DMAC2L: variants seen among roughly 807,000 people sequenced by gnomAD.
DMAC2L encodes distal membrane arm assembly component 2 like.
A neutral mutation model predicts 22.5 loss-of-function variants in DMAC2L; 21 were observed. That is an observed-to-expected ratio of 0.93 (90% CI 0.66 to 1.34). The LOEUF is 1.34. DMAC2L is among the 40% of genes most tolerant of loss of function. The pLI is 0.00. For missense variants in DMAC2L, 239 were observed against 246.5 expected, an observed-to-expected ratio of 0.97 and a Z score of 0.20; for synonymous variants, 86 against 89.5, an observed-to-expected ratio of 0.96 and a Z score of 0.22.
Position 50,326,672 on chromosome 14 carries a change from T to C in DMAC2L, c.*949T>C. 1 of 985,392 alleles carries C rather than the reference T, an allele frequency of 1.0e-6. No individual in the cohort carries two copies. Among genetic ancestry groups the C allele is most frequent in the Non-Finnish European group, 1.2e-6 (1 of 829,878 alleles). The allele number at this position is 985,392 out of a possible 1,614,324, so 61.0% of individuals were successfully genotyped here. ...ACATAGATACTTGGCTGAATACAAA[T>C]AGTTTTGCAGATTGCAATATAATAA... On this transcript the variant is annotated 3_prime_UTR_variant, in exon 6 of 6. Coordinates refer to ENST00000557421, the MANE Select transcript of DMAC2L (RefSeq NM_001382507.1).
chr14:50,311,741 T>C (rs1013499386), upstream of DMAC2L, among the ~76,000 whole-genome samples: 3 of 152,166 alleles, frequency 2.0e-5, no homozygotes, highest in African/African-American at 4.8e-5. Context: ...GTTAAGTAAC[T>C]AGCCCAGAGT....
chr14:50,326,293 G>T lies in DMAC2L; in HGVS notation c.*570G>T. ...TAATTCTAATATATTCATTTAATATGTAAATCTATAGATATCTCTTGATGT... is the reference window on the plus strand; with the variant it reads ...TAATTCTAATATATTCATTTAATATTTAAATCTATAGATATCTCTTGATGT... On this transcript the variant is annotated 3_prime_UTR_variant, in exon 6 of 6. Coordinates refer to ENST00000557421, the MANE Select transcript of DMAC2L (RefSeq NM_001382507.1). 1.3e-5 allele frequency: 6 copies of T among 463,086 alleles called. No individual in the cohort carries two copies. Among genetic ancestry groups the T allele is most frequent in the Non-Finnish European group, 1.7e-5 (6 of 353,294 alleles). 28.7% of individuals were successfully genotyped at this position (463,086 alleles called of 1,614,324 possible).
intron 2 of DMAC2L, among the ~76,000 whole-genome samples, chr14:50,317,361 A>G (rs925242197): frequency 5.3e-5 from 8 of 152,206 alleles, no homozygotes; most frequent in African/African-American, 1.9e-4. Context: ...GCATACAATC[A>G]TATCATTAGC....
chr14:50,325,801 C>G lies in DMAC2L; in HGVS notation c.*78C>G. On this transcript the variant is annotated 3_prime_UTR_variant, in exon 6 of 6. Transcript: ENST00000557421. The stretch of plus-strand genomic sequence containing the variant: ...ACATCAACTAATATTATATAGTCAT[C>G]AGTAGAATTATAAGGATGCCATATC... 6.6e-7 allele frequency: 1 copy of G among 1,509,200 alleles called. No individual in the cohort carries two copies. Among genetic ancestry groups the G allele is most frequent in the African/African-American group, 1.4e-5 (1 of 71,590 alleles). 93.5% of individuals were successfully genotyped at this position (1,509,200 alleles called of 1,614,324 possible).
Position 50,321,531 on chromosome 14 carries a change from A to G in DMAC2L, c.44A>G (p.Lys15Arg). Residue 15 changes from lysine (K) to arginine (R), a missense_variant, in exon 3 of 6, where the codon AAG becomes AGG. By Grantham distance (26) the Lys-to-Arg change is conservative (BLOSUM62 2). Transcript: ENST00000557421. ...ATTTCCCAGCAGTTGTGTGGCGTAA[A>G]GAAACTCCCATGGTCATGTGACTCC... ...GKISQQLCGV[K>R]KLPWSCDSRY... 1 of 1,614,182 alleles carries G rather than the reference A, an allele frequency of 6.2e-7. No individual in the cohort carries two copies.
chr14:50,325,244 T>A (rs1054244843), intron 5 of DMAC2L, among the ~76,000 whole-genome samples: 5 of 152,264 alleles, frequency 3.3e-5, no homozygotes, highest in African/African-American at 1.2e-4. Context: ...TGTTCATCTC[T>A]TACATTACTT....
At chr14:50,319,295 TGAAAG>T (rs1192814568) in intron 2 of DMAC2L, 5 of 1,536,056 alleles carry the variant, frequency 3.3e-6, no homozygotes, top group Non-Finnish European at 4.4e-6. Flanking sequence ...GAAAAAGGGA[TGAAAG>T]GGTAGTTGGT....
rs762290493 is a variant in DMAC2L at position 50,315,598 on chromosome 14, G to T, written c.-6+972G>T. 2.0e-5 allele frequency among the ~76,000 whole-genome samples: 3 copies of T among 147,172 alleles called. No individual in the cohort carries two copies. The South Asian group carries it at 6.5e-4, about 32-fold the overall frequency. On this transcript the variant is annotated intron_variant, in intron 2 of 5. Coordinates refer to ENST00000557421, the MANE Select transcript of DMAC2L (RefSeq NM_001382507.1). ...AATCACTTGAACCTGGGAGGCGGAG[G>T]TTGCAGTGAGCTGAGACTGCGCCAC... is the stretch of plus-strand genomic sequence containing the variant.
intron 2 of DMAC2L, among the ~76,000 whole-genome samples, chr14:50,316,498 G>A (rs1334932806): frequency 6.6e-6 from 1 of 152,186 alleles, no homozygotes. Flanking sequence ...TTTTTCTGAT[G>A]TTATCTTCTA....
At chr14:50,312,196 G>C, upstream of DMAC2L, 3 of 1,602,986 alleles carry the variant, frequency 1.9e-6, no homozygotes, top group South Asian at 2.2e-5. Flanking sequence ...GAAGCCACTT[G>C]ACCCTCCACG....
chr14:50,312,702 T>G (rs1379876863), intron 1 of DMAC2L: 1 of 309,076 alleles, frequency 3.2e-6, no homozygotes, highest in Non-Finnish European at 6.0e-6. Flanking sequence ...ACGGAGGGCC[T>G]GGGCACCCAC....
intron 3 of DMAC2L, among the ~76,000 whole-genome samples, 189 bp downstream of exon 3, chr14:50,321,783 G>C (rs2032299070): frequency 6.6e-6 from 1 of 152,052 alleles, no homozygotes; most frequent in Admixed American, 6.6e-5. Flanking sequence ...TATTAATTGT[G>C]GCTGTTTGGG....
chr14:50,313,008 G>T lies in DMAC2L; in HGVS notation c.-42+619G>T, dbSNP rs371438000. The stretch of plus-strand genomic sequence containing the variant: ...GTCCTTTTCTTGAGTACTGAACCGA[G>T]ATACAGTTTTAAATGTGCTGTGCGG... On this transcript the variant is annotated intron_variant, in intron 1 of 5. Coordinates refer to ENST00000557421, the MANE Select transcript of DMAC2L (RefSeq NM_001382507.1). The T allele has an allele frequency of 5.0e-6, 8 of 1,614,032 alleles. No individual in the cohort carries two copies. In the African/African-American group the frequency reaches 1.1e-4, roughly 22 times the overall value.
chr14:50,315,140 A>G (rs1279750315), intron 2 of DMAC2L, among the ~76,000 whole-genome samples: 2 of 150,958 alleles, frequency 1.3e-5, no homozygotes, highest in East Asian at 2.0e-4. Context: ...CTAATTTTTT[A>G]TATTTTTAGT....
Position 50,314,633 on chromosome 14 carries a change from G to A in DMAC2L, c.-6+7G>A. On this transcript the variant is annotated splice_region_variant and intron_variant, in intron 2 of 5. Transcript: ENST00000557421. ...ACAATTGCTGGGTCATATGGTAAGTGCATGTTTATTTTTTATTTTTATTTT... is the reference window on the plus strand; with the variant it reads ...ACAATTGCTGGGTCATATGGTAAGTACATGTTTATTTTTTATTTTTATTTT... 1 of 454,488 alleles carries A rather than the reference G, an allele frequency of 2.2e-6. No homozygotes were observed. The highest frequency in any genetic ancestry group is 1.6e-5 in the South Asian group (1 of 64,458). The allele number at this position is 454,488 out of a possible 1,614,324, so 28.2% of individuals were successfully genotyped here.
At chr14:50,318,726 A>G (rs978554830) in intron 2 of DMAC2L, among the ~76,000 whole-genome samples, 4 of 152,104 alleles carry the variant, frequency 2.6e-5, no homozygotes, top group African/African-American at 9.7e-5. Flanking sequence ...ACTAACTGAA[A>G]ACTCTTAATC....
intron 2 of DMAC2L, among the ~76,000 whole-genome samples, 176 bp downstream of exon 2, chr14:50,314,802 C>T (rs562802252): frequency 1.7e-4 from 26 of 151,872 alleles, no homozygotes; most frequent in Non-Finnish European, 2.6e-4. Flanking sequence ...CCACCACGCC[C>T]GGCAAACTCT....
In DMAC2L at chr14:50,327,353, G is replaced by C. The variant is rs1056818197; in HGVS notation, c.*1630G>C. Reference sequence around the variant, plus strand: ...CTGTCTCAAAAAAAAAAAAAAAAGTGAAAAATAGATAAAACAGGTCTTCAT... The same window carrying C: ...CTGTCTCAAAAAAAAAAAAAAAAGTCAAAAATAGATAAAACAGGTCTTCAT... On this transcript the variant is annotated 3_prime_UTR_variant, in exon 6 of 6. Coordinates refer to ENST00000557421, the MANE Select transcript of DMAC2L (RefSeq NM_001382507.1). The C allele has an allele frequency of 1.2e-4, 18 of 146,236 alleles. No individual in the cohort carries two copies. The highest frequency in any genetic ancestry group is 4.3e-4 in the African/African-American group (17 of 39,906). 9.1% of individuals were successfully genotyped at this position (146,236 alleles called of 1,614,324 possible).
intron 2 of DMAC2L, among the ~76,000 whole-genome samples, chr14:50,317,289 A>T (rs187466157): frequency 6.6e-6 from 1 of 152,280 alleles, no homozygotes; most frequent in East Asian, 1.9e-4. Context: ...GTATTCTGAA[A>T]CTTTGCTGAA....
Sources: gnomAD v4.1 joint callset for allele counts (sites outside exome capture counted in the v4.1 genomes callset) on GRCh38, gnomAD v4.1.1 for gene constraint, MANE v1.5 for transcripts, NCBI Gene and HGNC (gene_info 2026-07-23, HGNC 2026-07-21) for gene names.